FRMD3: variants seen among roughly 807,000 people sequenced by gnomAD.
FRMD3 encodes FERM domain containing 3.
FRMD3 carries 33 observed loss-of-function variants against 70.2 expected under a neutral mutation model. That is an observed-to-expected ratio of 0.47 (90% CI 0.36 to 0.63). FRMD3 has a LOEUF of 0.63. FRMD3 is among the 20% of genes least tolerant of loss of function. FRMD3 has a pLI of 0.00. For missense variants in FRMD3, 632 were observed against 711.4 expected (o/e 0.89, Z 1.27); for synonymous variants, 279 against 255.9 (o/e 1.09, Z -0.86).
At chr9:83,282,287 CTTAAAAG>C (rs1834003307) in intron 13 of FRMD3, among the ~76,000 whole-genome samples, 1 of 152,150 alleles carries the variant, frequency 6.6e-6, no homozygotes, top group South Asian at 2.1e-4. Flanking sequence ...AATTTTAAAA[CTTAAAAG>C]TTGAAGGTGG....
At chr9:83,505,591 A>C (rs1739735443) in intron 1 of FRMD3, among the ~76,000 whole-genome samples, 1 of 152,154 alleles carries the variant, frequency 6.6e-6, no homozygotes, top group Admixed American at 6.5e-5. Context: ...ACAGCTGCAA[A>C]GTGCACCTGG....
chr9:83,393,376 C>A (rs1178324380), intron 1 of FRMD3, among the ~76,000 whole-genome samples: 1 of 152,188 alleles, frequency 6.6e-6, no homozygotes, highest in Non-Finnish European at 1.5e-5. Context: ...ACTGGTCCTC[C>A]AAGACAGCAG....
intron 4 of FRMD3, among the ~76,000 whole-genome samples, chr9:83,346,112 T>C (rs10780597): frequency 0.31 from 47,398 of 151,718 alleles, 7,767 homozygotes; most frequent in Non-Finnish European, 0.35. Flanking sequence ...AAAAATTAGC[T>C]AGGCGTGCTG....
At chr9:83,255,990 T>C (rs1832688590) in intron 13 of FRMD3, among the ~76,000 whole-genome samples, 1 of 152,124 alleles carries the variant, frequency 6.6e-6, no homozygotes, top group Non-Finnish European at 1.5e-5. Context: ...TGAACTACCA[T>C]TCAGATTCTT....
chr9:83,445,825 C>T (rs115835542), intron 1 of FRMD3, among the ~76,000 whole-genome samples: 1 of 152,164 alleles, frequency 6.6e-6, no homozygotes. Flanking sequence ...GGGGTGAGAA[C>T]AGAATTCACT....
intron 13 of FRMD3, among the ~76,000 whole-genome samples, chr9:83,270,872 T>C (rs903438371): frequency 1.3e-5 from 2 of 151,202 alleles, no homozygotes; most frequent in Middle Eastern, 3.4e-3. Flanking sequence ...TCTTTTTAAC[T>C]GCTCAAGAGG....
chr9:83,325,726 G>A (rs1055925532), intron 6 of FRMD3, among the ~76,000 whole-genome samples: 2 of 152,190 alleles, frequency 1.3e-5, no homozygotes, highest in African/African-American at 4.8e-5. Flanking sequence ...GATCCGATTA[G>A]AGAATAGTGA....
chr9:83,533,688 T>A (rs1829834052), intron 1 of FRMD3, among the ~76,000 whole-genome samples: 2 of 152,356 alleles, frequency 1.3e-5, no homozygotes, highest in South Asian at 4.1e-4. Context: ...TAGGCACTAT[T>A]CTAAATATCA....
intron 1 of FRMD3, among the ~76,000 whole-genome samples, chr9:83,419,245 C>T (rs1050609814): frequency 2.6e-5 from 4 of 152,124 alleles, no homozygotes; most frequent in African/African-American, 9.7e-5. Context: ...TGTAATTCAT[C>T]TGTATAACCG....
intron 1 of FRMD3, among the ~76,000 whole-genome samples, chr9:83,425,165 T>A (rs1826765721): frequency 6.6e-6 from 1 of 152,248 alleles, no homozygotes; most frequent in African/African-American, 2.4e-5. Flanking sequence ...TAAACCAGTA[T>A]GTTCATTATT....
chr9:83,300,125 G>C (rs1183599867), intron 10 of FRMD3, among the ~76,000 whole-genome samples: 1 of 152,254 alleles, frequency 6.6e-6, no homozygotes, highest in Non-Finnish European at 1.5e-5. Flanking sequence ...AGCCAGGGAA[G>C]TTTCAGCGCA....
At chr9:83,379,319 A>T (rs1410466355) in intron 2 of FRMD3, among the ~76,000 whole-genome samples, 1 of 152,166 alleles carries the variant, frequency 6.6e-6, no homozygotes, top group Non-Finnish European at 1.5e-5. Flanking sequence ...GTAATTAGAT[A>T]TAAGTCTTAG....
At chr9:83,549,574 TAA>T in the FRMD3 span, among the ~76,000 whole-genome samples, 1 of 152,158 alleles carries the variant, frequency 6.6e-6, no homozygotes, top group South Asian at 2.1e-4. Flanking sequence ...CAACAGCGTA[TAA>T]GAGTTTCCTT....
At chr9:83,504,477 T>G (rs1217098001) in intron 1 of FRMD3, among the ~76,000 whole-genome samples, 1 of 152,108 alleles carries the variant, frequency 6.6e-6, no homozygotes, top group Non-Finnish European at 1.5e-5. Flanking sequence ...TCTCTTGGCT[T>G]CTTTCCCAGT....
rs1832130500 is a variant in FRMD3, at chr9:83,246,848, C to T, written c.*1070G>A. On this transcript the variant is annotated 3_prime_UTR_variant, in exon 14 of 14. Transcript: ENST00000304195. Reference sequence around the variant, plus strand: ...GCGACTGCACTGCTCTTCACATCATCGAACGCTGGCATCACCATCACTTTC... The same window carrying T: ...GCGACTGCACTGCTCTTCACATCATTGAACGCTGGCATCACCATCACTTTC... The T allele has an allele frequency of 3.0e-6, 3 of 985,258 alleles. No homozygotes were observed. The highest frequency in any genetic ancestry group is 1.1e-4 in the East Asian group (1 of 8,812). 61.0% of individuals were successfully genotyped at this position (985,258 alleles called of 1,614,324 possible). A position where few individuals can be genotyped will look rare whatever the true frequency, so the allele number is the denominator to read the frequency against.
intron 1 of FRMD3, among the ~76,000 whole-genome samples, chr9:83,468,273 AGAT>A (rs1828183157): frequency 6.6e-6 from 1 of 152,270 alleles, no homozygotes; most frequent in African/African-American, 2.4e-5. Flanking sequence ...ATAAGAAAAT[AGAT>A]GTGACTTAAG....
At chr9:83,379,926 C>A (rs894566647) in intron 2 of FRMD3, among the ~76,000 whole-genome samples, 1 of 152,270 alleles carries the variant, frequency 6.6e-6, no homozygotes, top group South Asian at 2.1e-4. Context: ...TGACTTTGCC[C>A]AGCATTACAC....
the FRMD3 span, among the ~76,000 whole-genome samples, chr9:83,583,442 A>G: frequency 6.6e-6 from 1 of 152,130 alleles, no homozygotes; most frequent in Admixed American, 6.5e-5. Context: ...ATACCGTACT[A>G]GCCACATTTC....
the FRMD3 span, among the ~76,000 whole-genome samples, chr9:83,564,328 G>C: frequency 6.6e-6 from 1 of 152,154 alleles, no homozygotes; most frequent in Non-Finnish European, 1.5e-5. Flanking sequence ...ACCTAACTAG[G>C]AAGAAGGGGA....
Sources: gnomAD v4.1 joint callset for allele counts (sites outside exome capture counted in the v4.1 genomes callset) on GRCh38, gnomAD v4.1.1 for gene constraint, MANE v1.5 for transcripts, NCBI Gene and HGNC (gene_info 2026-07-23, HGNC 2026-07-21) for gene names.